Variants in DDAH1 observed in about 807,000 individuals in gnomAD.
DDAH1 encodes the protein dimethylarginine dimethylaminohydrolase 1.
A neutral mutation model predicts 28.8 loss-of-function variants in DDAH1; 19 were observed. The ratio of observed to expected loss-of-function variants is 0.66; its 90% CI spans 0.46 to 0.97. The LOEUF is 0.97. DDAH1 is among the 50% of genes least tolerant of loss of function. The pLI, the probability that DDAH1 is intolerant of heterozygous loss-of-function variation, is 0.00. For synonymous variants in DDAH1, 153 were observed against 154.4 expected, an observed-to-expected ratio of 0.99 and a Z score of 0.07; for missense variants, 326 against 375.9, an observed-to-expected ratio of 0.87 and a Z score of 1.10.
At chr1:85,397,050 AAG>A (rs1475153576) in intron 1 of DDAH1, among the ~76,000 whole-genome samples, 1 of 142,158 alleles carries the variant, frequency 7.0e-6, no homozygotes. Flanking sequence ...AAAAAAAAAA[AAG>A]GTTTTTCAAA....
rs80260486 is a variant in DDAH1 at position 85,329,511 on chromosome 1, T to C, written c.598-4628A>G. On this transcript the variant is annotated intron_variant, in intron 4 of 5. Coordinates refer to ENST00000284031, the MANE Select transcript of DDAH1 (RefSeq NM_012137.4). ...GGGGACATTCCTATACTTACTAACA[T>C]AAAGGCCAGTACCTACTTTAGAATT... Among the ~76,000 whole-genome samples the C allele has an allele frequency of 3.2e-4, 48 of 152,332 alleles. 1 individual carries two copies. The East Asian group carries it at 8.3e-3, about 26-fold the overall frequency.
intron 1 of DDAH1, among the ~76,000 whole-genome samples, chr1:85,503,585 C>T (rs1351086954): frequency 6.6e-6 from 1 of 152,008 alleles, no homozygotes; most frequent in Non-Finnish European, 1.5e-5. Flanking sequence ...ATCTATCCAT[C>T]CATCTATCTA....
chr1:85,402,857 C>T (rs1270181542), intron 1 of DDAH1, among the ~76,000 whole-genome samples: 1 of 149,826 alleles, frequency 6.7e-6, no homozygotes, highest in African/African-American at 2.5e-5. Flanking sequence ...TGCAGTGAGC[C>T]GAGATAGCGC....
chr1:85,537,396 C>A (rs2795985), intron 1 of DDAH1, among the ~76,000 whole-genome samples: 2 of 149,978 alleles, frequency 1.3e-5, no homozygotes, highest in Non-Finnish European at 3.0e-5. Context: ...GAACCTGAAG[C>A]ACATCATATT....
chr1:85,408,408 T>G (rs1261241132), intron 1 of DDAH1, among the ~76,000 whole-genome samples: 1 of 152,200 alleles, frequency 6.6e-6, no homozygotes, highest in Non-Finnish European at 1.5e-5. Context: ...TCATATTGTT[T>G]TGTGGAGCAT....
intron 1 of DDAH1, among the ~76,000 whole-genome samples, chr1:85,533,684 C>A (rs1255444052): frequency 2.0e-5 from 3 of 152,138 alleles, no homozygotes; most frequent in Admixed American, 6.5e-5. Flanking sequence ...GCCTTAGAGT[C>A]CCATAGCATG....
At chr1:85,381,584 C>T (rs1036459444) in intron 1 of DDAH1, among the ~76,000 whole-genome samples, 1 of 151,934 alleles carries the variant, frequency 6.6e-6, no homozygotes, top group African/African-American at 2.4e-5. Flanking sequence ...CCGCTGTCAT[C>T]CTAGTCTTTG....
intron 1 of DDAH1, among the ~76,000 whole-genome samples, chr1:85,413,188 T>C (rs1185281269): frequency 1.3e-5 from 2 of 152,228 alleles, no homozygotes; most frequent in Admixed American, 1.3e-4. Flanking sequence ...TTTAAACAAC[T>C]GAACTGCATC....
chr1:85,498,938 TA>T (rs988314728), intron 1 of DDAH1, among the ~76,000 whole-genome samples: 32 of 150,252 alleles, frequency 2.1e-4, no homozygotes, highest in Middle Eastern at 3.4e-3. Context: ...ATAAAAATAA[TA>T]AAAAAAATTC....
chr1:85,490,195 A>C (rs533770045), intron 2 of DDAH1, among the ~76,000 whole-genome samples: 94 of 152,322 alleles, frequency 6.2e-4, no homozygotes, highest in Non-Finnish European at 8.8e-4. Flanking sequence ...AAAGAAGAAA[A>C]AGTGAGTTCA....
chr1:85,431,087 A>G (rs1055936025), intron 1 of DDAH1, among the ~76,000 whole-genome samples: 1 of 152,006 alleles, frequency 6.6e-6, no homozygotes, highest in African/African-American at 2.4e-5. Flanking sequence ...GTTTATCGAG[A>G]GTTTTTAGCA....
rs199615221 is a variant in DDAH1 at position 85,333,878 on chromosome 1, A to G, written c.598-8995T>C. Among the ~76,000 whole-genome samples the G allele has an allele frequency of 4.3e-4, 66 of 152,368 alleles. No individual in the cohort carries two copies. The East Asian group carries it at 0.011, about 26-fold the overall frequency. On this transcript the variant is annotated intron_variant, in intron 4 of 5. Coordinates refer to ENST00000284031, the MANE Select transcript of DDAH1 (RefSeq NM_012137.4). ...TGGCATAGAAAAACAATTTAACAAA[A>G]TAATACCTTAAAACTCCCTAAGTCT...
intron 1 of DDAH1, among the ~76,000 whole-genome samples, chr1:85,370,115 A>C (rs889781166): frequency 1.3e-5 from 2 of 152,174 alleles, no homozygotes; most frequent in African/African-American, 4.8e-5. Context: ...CTTTAGAGAG[A>C]TAATCAGGTT....
chr1:85,432,263 A>C (rs1203533230), intron 1 of DDAH1, among the ~76,000 whole-genome samples: 1 of 152,136 alleles, frequency 6.6e-6, no homozygotes, highest in Non-Finnish European at 1.5e-5. Flanking sequence ...TGGCCTCTTC[A>C]TCTCCCATTT....
chr1:85,414,819 T>C lies in DDAH1; in HGVS notation c.303+49924A>G, dbSNP rs750737082. 2.6e-5 allele frequency among the ~76,000 whole-genome samples: 4 copies of C among 151,942 alleles called. No homozygotes were observed. The South Asian group carries it at 8.3e-4, about 32-fold the overall frequency. On this transcript the variant is annotated intron_variant, in intron 1 of 5. Coordinates refer to ENST00000284031, the MANE Select transcript of DDAH1 (RefSeq NM_012137.4). ...AGATGGGATGTACTCAAACAACATT[T>C]GATGAATGAACAAAAACACAAATGG...
chr1:85,464,766 C>A lies in DDAH1; in HGVS notation c.280G>T (p.Gly94Trp). 2 of 1,559,456 alleles carry A rather than the reference C, an allele frequency of 1.3e-6. No individual in the cohort carries two copies. Among genetic ancestry groups the A allele is most frequent in the African/African-American group, 2.8e-5 (2 of 71,522 alleles). Reference sequence around the variant, plus strand: ...ACCTCCTTCCTCCGGCTCGGCGCCCCGGGTCGGGTGATGAGGGCCGTCTCC... The same window carrying A: ...ACCTCCTTCCTCCGGCTCGGCGCCCAGGGTCGGGTGATGAGGGCCGTCTCC... The part of the protein sequence containing the change: ...CEETALITRP[G>W]APSRRKEVDM... Residue 94 changes from glycine to tryptophan, a missense_variant, in exon 1 of 6, where the codon GGG (glycine) becomes TGG (tryptophan). Coordinates refer to ENST00000284031, the MANE Select transcript of DDAH1 (RefSeq NM_012137.4). The surrounding 1 kb of genome is among the most constrained non-coding windows in gnomAD (Gnocchi z 4.4).
At chr1:85,508,916 C>T (rs1291924841) in intron 1 of DDAH1, among the ~76,000 whole-genome samples, 1 of 152,244 alleles carries the variant, frequency 6.6e-6, no homozygotes, top group Admixed American at 6.5e-5. Context: ...AGGCAGCAGA[C>T]AACTTCTGCA....
intron 4 of DDAH1, among the ~76,000 whole-genome samples, chr1:85,346,675 T>C (rs774377165): frequency 3.3e-5 from 5 of 152,198 alleles, no homozygotes; most frequent in Non-Finnish European, 7.3e-5. Context: ...AAGTGATATA[T>C]TTGTCTCTAT....
At chr1:85,521,495 G>C (rs1352430880) in intron 1 of DDAH1, 1 of 366,216 alleles carries the variant, frequency 2.7e-6, no homozygotes, top group African/African-American at 2.2e-5. Context: ...TCCCTGCTAT[G>C]CTGAAAACCT....
Sources: allele counts gnomAD v4.1 joint callset (sites outside exome capture counted in the v4.1 genomes callset), GRCh38; gene constraint gnomAD v4.1.1; non-coding constraint Gnocchi (gnomAD v3.1); transcripts MANE v1.5; gene names NCBI Gene and HGNC (gene_info 2026-07-23, HGNC 2026-07-21).